CUEDC1: variants seen among roughly 807,000 people sequenced by gnomAD.
CUEDC1 encodes the protein CUE domain containing 1, also known as CUE domain-containing protein 1.
In CUEDC1, 30 loss-of-function variants were observed where a neutral mutation model predicts 43.7. That is an observed-to-expected ratio of 0.69 (90% CI 0.51 to 0.93). The LOEUF is 0.93. CUEDC1 is among the 40% of genes least tolerant of loss of function. CUEDC1 has a pLI of 0.00. For missense variants in CUEDC1, 486 were observed against 549.0 expected (o/e 0.89, Z 1.15); for synonymous variants, 223 against 223.6 (o/e 1.00, Z 0.02).
chr17:57,910,988 C>G (rs918221428), intron 1 of CUEDC1, among the ~76,000 whole-genome samples: 7 of 152,300 alleles, frequency 4.6e-5, no homozygotes, highest in Admixed American at 4.6e-4. Context: ...CGTCTCCCTC[C>G]CATTTTCTCC....
At chr17:57,889,614 A>G (rs7216665) in intron 1 of CUEDC1, among the ~76,000 whole-genome samples, 101,815 of 152,230 alleles carry the variant, frequency 0.67, 34,380 homozygotes, top group East Asian at 0.99. Context: ...GGAGTTGCCC[A>G]AGGACACACA....
At chr17:57,868,386 G>A in intron 7 of CUEDC1, 143 bp from the exon 8 acceptor site, 1 of 700,726 alleles carries the variant, frequency 1.4e-6, no homozygotes, top group Non-Finnish European at 2.5e-6. Flanking sequence ...GCTGAGGAGG[G>A]AGAGATGACA....
In CUEDC1 at chr17:57,875,684, G is replaced by A. The variant is rs115692670; in HGVS notation, c.465-1967C>T. 3.4e-3 allele frequency among the ~76,000 whole-genome samples: 519 copies of A among 152,148 alleles called. 1 individual carries two copies. Among genetic ancestry groups the A allele is most frequent in the African/African-American group, 0.011 (466 of 41,520 alleles). On this transcript the variant is annotated intron_variant, in intron 3 of 10. Coordinates refer to ENST00000577830, the MANE Select transcript of CUEDC1 (RefSeq NM_001271875.2). ...AGACTGTCTTTCAGACAGATGGAGG[G>A]AAGGACAGACTGGGGGAGGGGAAGG...
chr17:57,879,827 G>T, intron 2 of CUEDC1, 89 bp from the exon 3 acceptor site: 2 of 1,301,548 alleles, frequency 1.5e-6, no homozygotes, highest in Non-Finnish European at 2.1e-6. Flanking sequence ...GGGAGGGCAG[G>T]TATAATAAAG....
At chr17:57,908,088 G>T (rs111629518) in intron 1 of CUEDC1, among the ~76,000 whole-genome samples, 20,386 of 151,818 alleles carry the variant, frequency 0.13, 1,525 homozygotes, top group African/African-American at 0.18. Flanking sequence ...ACGAAATCTC[G>T]CTCTGTTTCC....
At chr17:57,870,869 AG>A (rs576401048) in intron 6 of CUEDC1, among the ~76,000 whole-genome samples, 2 of 152,056 alleles carry the variant, frequency 1.3e-5, no homozygotes, top group Admixed American at 6.6e-5. Flanking sequence ...TGGTAGAGAT[AG>A]GGGGGTCTCA....
chr17:57,944,804 TC>T (rs553545436), intron 1 of CUEDC1, among the ~76,000 whole-genome samples: 9 of 152,318 alleles, frequency 5.9e-5, no homozygotes, highest in South Asian at 4.1e-4. Context: ...CGGATCAGCA[TC>T]AAGAACAGAT....
intron 1 of CUEDC1, among the ~76,000 whole-genome samples, chr17:57,903,717 C>A (rs974002299): frequency 6.6e-6 from 1 of 151,908 alleles, no homozygotes; most frequent in Non-Finnish European, 1.5e-5. Flanking sequence ...GATGAGAGGA[C>A]CACTTGAGGC....
chr17:57,920,658 G>A (rs1210146786), intron 1 of CUEDC1, among the ~76,000 whole-genome samples: 2 of 125,506 alleles, frequency 1.6e-5, no homozygotes, highest in African/African-American at 6.1e-5. Context: ...TTGAGATGGA[G>A]TCTTGCTCTG....
At chr17:57,910,829 G>A (rs2074575219) in intron 1 of CUEDC1, among the ~76,000 whole-genome samples, 1 of 151,968 alleles carries the variant, frequency 6.6e-6, no homozygotes, top group Admixed American at 6.6e-5. Context: ...TCAAAGAAGA[G>A]TGCCCTTAAA....
At chr17:57,883,982 G>C (rs1158541702) in intron 2 of CUEDC1, among the ~76,000 whole-genome samples, 1 of 151,992 alleles carries the variant, frequency 6.6e-6, no homozygotes, top group African/African-American at 2.4e-5. Flanking sequence ...ACTCGGGTGG[G>C]ACTGGAAAGG....
chr17:57,942,604 G>T (rs1347803048), intron 1 of CUEDC1, among the ~76,000 whole-genome samples: 1 of 151,938 alleles, frequency 6.6e-6, no homozygotes, highest in East Asian at 1.9e-4. Context: ...GGCCAGGCTG[G>T]TCTTGAACTC....
At chr17:57,941,653 AC>A (rs1051017331) in intron 1 of CUEDC1, among the ~76,000 whole-genome samples, 2 of 152,244 alleles carry the variant, frequency 1.3e-5, no homozygotes, top group African/African-American at 4.8e-5. Flanking sequence ...TAAAACCAAA[AC>A]CAAATAAACA....
rs1220924453 is a variant in CUEDC1, at chr17:57,954,931, C to A, written c.-316+294G>T. On this transcript the variant is annotated intron_variant, in intron 1 of 10. Coordinates refer to ENST00000577830, the MANE Select transcript of CUEDC1 (RefSeq NM_001271875.2). This position sits in a 1 kb window ranked among gnomAD's most constrained non-coding sequence, Gnocchi z 4.3. ...CGCCCCCCGGTCTAATCGCGCGCCC[C>A]GCTCCCGGCCCCCCAGATGCCCGCA... Among the ~76,000 whole-genome samples, 1 of 151,740 alleles carries A rather than the reference C, an allele frequency of 6.6e-6. No individual in the cohort carries two copies. The highest frequency in any genetic ancestry group is 1.5e-5 in the Non-Finnish European group (1 of 67,838).
intron 1 of CUEDC1, among the ~76,000 whole-genome samples, chr17:57,943,645 T>G (rs185415932): frequency 5.9e-5 from 9 of 152,060 alleles, no homozygotes; most frequent in Non-Finnish European, 1.2e-4. Flanking sequence ...TAAAATGGGA[T>G]AGGAGGGGAA....
chr17:57,924,718 G>A (rs2074730091), intron 1 of CUEDC1, among the ~76,000 whole-genome samples: 1 of 152,140 alleles, frequency 6.6e-6, no homozygotes, highest in Non-Finnish European at 1.5e-5. Flanking sequence ...ATGGAGCCAA[G>A]GGCTGAAGAG....
chr17:57,892,199 A>AGG (rs2074362419), intron 1 of CUEDC1, among the ~76,000 whole-genome samples: 1 of 152,170 alleles, frequency 6.6e-6, no homozygotes, highest in African/African-American at 2.4e-5. Context: ...TAGAAGATAT[A>AGG]TAAGGGAATG....
At chr17:57,898,808 G>A (rs942453100) in intron 1 of CUEDC1, among the ~76,000 whole-genome samples, 1 of 152,208 alleles carries the variant, frequency 6.6e-6, no homozygotes, top group Non-Finnish European at 1.5e-5. Flanking sequence ...GGGACCCCAA[G>A]GGAGGAGCAG....
chr17:57,907,981 TAAA>T (rs1207916140), intron 1 of CUEDC1, among the ~76,000 whole-genome samples: 1 of 152,070 alleles, frequency 6.6e-6, no homozygotes, highest in Non-Finnish European at 1.5e-5. Context: ...GGGAATAAGA[TAAA>T]AACTGCCAGG....
Sources: allele counts gnomAD v4.1 joint callset (sites outside exome capture counted in the v4.1 genomes callset), GRCh38; gene constraint gnomAD v4.1.1; non-coding constraint Gnocchi (gnomAD v3.1); transcripts MANE v1.5; gene names NCBI Gene and HGNC (gene_info 2026-07-23, HGNC 2026-07-21).